The following PTPRM variants were observed in gnomAD, a reference collection of about 807,000 sequenced individuals.
The protein encoded by PTPRM is receptor-type tyrosine-protein phosphatase mu.
PTPRM carries 47 observed loss-of-function variants against 186.7 expected under a neutral mutation model. The observed-to-expected ratio is 0.25, with a 90% confidence interval of 0.20 to 0.32. The LOEUF is 0.32. Among genes scored for constraint, PTPRM ranks in the 10% least tolerant of loss-of-function variants. The probability of loss-of-function intolerance (pLI) is 1.00; values close to 1 mark genes in which losing one functional copy is unlikely to be tolerated. For synonymous variants in PTPRM, 668 were observed against 674.9 expected, an observed-to-expected ratio of 0.99 and a Z score of 0.16; for missense variants, 1,494 against 1,865.0, an observed-to-expected ratio of 0.80 and a Z score of 3.66.
chr18:7,802,816 T>TG (rs571802384), intron 2 of PTPRM, among the ~76,000 whole-genome samples: 153 of 152,328 alleles, frequency 1.0e-3, no homozygotes, highest in Non-Finnish European at 1.4e-3. Flanking sequence ...AAATGATTAT[T>TG]GAAAAACTGT....
At chr18:7,916,652 C>A (rs373552250) in intron 4 of PTPRM, among the ~76,000 whole-genome samples, 1 of 151,780 alleles carries the variant, frequency 6.6e-6, no homozygotes, top group African/African-American at 2.4e-5. Flanking sequence ...ATAATAAAAA[C>A]AAAAAATAAA....
intron 2 of PTPRM, among the ~76,000 whole-genome samples, 188 bp downstream of exon 2, chr18:7,774,459 T>TAAAGTCTA (rs2042485615): frequency 6.6e-6 from 1 of 152,216 alleles, no homozygotes; most frequent in Non-Finnish European, 1.5e-5. Flanking sequence ...TCTCTCCCCT[T>TAAAGTCTA]AAAGTCTAAA....
At chr18:7,645,435 G>A (rs1385193906) in intron 1 of PTPRM, among the ~76,000 whole-genome samples, 2 of 152,136 alleles carry the variant, frequency 1.3e-5, no homozygotes, top group African/African-American at 4.8e-5. Flanking sequence ...TAAAGCTTTA[G>A]TTGTTTTTGT....
chr18:7,606,808 T>C (rs1393229472), intron 1 of PTPRM, among the ~76,000 whole-genome samples: 1 of 152,232 alleles, frequency 6.6e-6, no homozygotes, highest in Non-Finnish European at 1.5e-5. Flanking sequence ...GGAGGATGTC[T>C]TGTTTTCTTT....
At chr18:7,922,356 T>C (rs2050915421) in intron 4 of PTPRM, among the ~76,000 whole-genome samples, 1 of 152,222 alleles carries the variant, frequency 6.6e-6, no homozygotes, top group African/African-American at 2.4e-5. Flanking sequence ...CCGTACCTTT[T>C]TCTCTGTCCT....
At chr18:7,592,704 T>C (rs1399461476) in intron 1 of PTPRM, among the ~76,000 whole-genome samples, 2 of 152,080 alleles carry the variant, frequency 1.3e-5, no homozygotes, top group Admixed American at 6.5e-5. Context: ...AGGGTAAAAA[T>C]TGGAGTGTGT....
chr18:7,786,312 G>T (rs2043095234), intron 2 of PTPRM, among the ~76,000 whole-genome samples: 1 of 152,106 alleles, frequency 6.6e-6, no homozygotes, highest in East Asian at 1.9e-4. Flanking sequence ...TGGATATGTG[G>T]GGTAGCATAT....
chr18:8,194,884 T>C (rs1204159586), intron 14 of PTPRM, among the ~76,000 whole-genome samples: 1 of 152,210 alleles, frequency 6.6e-6, no homozygotes, highest in Non-Finnish European at 1.5e-5. Flanking sequence ...AGATCTGAGC[T>C]GCACTCGCCT....
At chr18:8,312,920 G>A (rs752456777) in intron 20 of PTPRM, among the ~76,000 whole-genome samples, 5 of 152,192 alleles carry the variant, frequency 3.3e-5, no homozygotes, top group Non-Finnish European at 1.5e-5. Flanking sequence ...CGTCAAGGAA[G>A]GAAAGTTAGA....
intron 9 of PTPRM, 80 bp from the exon 10 acceptor site, chr18:8,085,591 A>G: frequency 8.1e-7 from 1 of 1,235,002 alleles, no homozygotes; most frequent in Non-Finnish European, 1.2e-6. Context: ...CAGTGCATAC[A>G]TCAGAAGGGT....
intron 4 of PTPRM, among the ~76,000 whole-genome samples, chr18:7,924,620 T>C (rs1481300853): frequency 1.3e-5 from 2 of 152,056 alleles, no homozygotes; most frequent in Non-Finnish European, 2.9e-5. Context: ...AGGTGTGTGG[T>C]TTTAATAATT....
intron 1 of PTPRM, among the ~76,000 whole-genome samples, chr18:7,587,876 A>G (rs950170449): frequency 6.6e-6 from 1 of 152,168 alleles, no homozygotes; most frequent in African/African-American, 2.4e-5. Context: ...CGTGCTTTCT[A>G]TCAGATAAAG....
chr18:7,723,876 G>A (rs2040496033), intron 1 of PTPRM, among the ~76,000 whole-genome samples: 1 of 152,180 alleles, frequency 6.6e-6, no homozygotes, highest in East Asian at 1.9e-4. Context: ...TAAGCAACTT[G>A]CACTCTTTTC....
chr18:7,906,281 G>A (rs1271377320), intron 3 of PTPRM, among the ~76,000 whole-genome samples: 2 of 152,076 alleles, frequency 1.3e-5, no homozygotes, highest in African/African-American at 4.8e-5. Flanking sequence ...CTAAGTTGGG[G>A]TTCTGTCTAA....
At chr18:7,814,349 C>CT (rs1381875887) in intron 2 of PTPRM, 5 of 152,150 alleles carry the variant, frequency 3.3e-5, no homozygotes, top group African/African-American at 1.2e-4. Flanking sequence ...AAAATTATGG[C>CT]TTAGGGCTCA....
intron 10 of PTPRM, among the ~76,000 whole-genome samples, chr18:8,086,758 C>G (rs148617144): frequency 1.2e-3 from 178 of 152,184 alleles, no homozygotes; most frequent in African/African-American, 4.0e-3. Context: ...GGAATATTCA[C>G]AACTAGAGTA....
At chr18:7,676,706 C>T (rs182747787) in intron 1 of PTPRM, among the ~76,000 whole-genome samples, 21 of 151,396 alleles carry the variant, frequency 1.4e-4, no homozygotes, top group African/African-American at 3.6e-4. Context: ...CACGCGCACG[C>T]GCATGGATTA....
intron 7 of PTPRM, among the ~76,000 whole-genome samples, chr18:8,025,754 G>A (rs1371857130): frequency 1.3e-5 from 2 of 152,118 alleles, no homozygotes; most frequent in African/African-American, 2.4e-5. Flanking sequence ...AAACCATTCC[G>A]GATAAAAACA....
At chr18:7,985,055 A>C (rs1459865680) in intron 7 of PTPRM, among the ~76,000 whole-genome samples, 3 of 124,086 alleles carry the variant, frequency 2.4e-5, no homozygotes, top group African/African-American at 6.2e-5. Context: ...ATAATTATAT[A>C]TACATATAAT....
Sources: gnomAD v4.1 joint callset for allele counts (sites outside exome capture counted in the v4.1 genomes callset) on GRCh38, gnomAD v4.1.1 for gene constraint, MANE v1.5 for transcripts, NCBI Gene and HGNC (gene_info 2026-07-23, HGNC 2026-07-21) for gene names.